Variants in KAT14 observed in about 807,000 individuals in gnomAD.
KAT14 encodes cysteine-rich protein 2-binding protein.
In KAT14, 66 loss-of-function variants were observed where a neutral mutation model predicts 78.4. The observed-to-expected ratio is 0.84, with a 90% CI of 0.69 to 1.03. KAT14 has a LOEUF of 1.03. KAT14 is among the 50% of genes least tolerant of loss of function. The pLI is 0.00. For missense variants in KAT14, 870 were observed against 972.5 expected (o/e 0.89, Z 1.40); for synonymous variants, 344 against 359.4 (o/e 0.96, Z 0.48).
At chr20:18,159,015 A>G in intron 4 of KAT14, 69 bp from the exon 5 acceptor site, 1 of 1,522,560 alleles carries the variant, frequency 6.6e-7, no homozygotes, top group South Asian at 1.3e-5. Context: ...GAGTCACAGT[A>G]TACACAGACT....
intron 1 of KAT14, among the ~76,000 whole-genome samples, chr20:18,141,191 C>G (rs1358795670): frequency 6.6e-6 from 1 of 151,700 alleles, no homozygotes; most frequent in Non-Finnish European, 1.5e-5. Flanking sequence ...GGCCTAAAAC[C>G]TTTAGAGTAT....
intron 7 of KAT14, among the ~76,000 whole-genome samples, chr20:18,175,723 C>T (rs1032010573): frequency 3.9e-5 from 6 of 151,946 alleles, no homozygotes; most frequent in Middle Eastern, 6.3e-3. Context: ...AAGTCAAGTA[C>T]ATAACATACA....
intron 4 of KAT14, among the ~76,000 whole-genome samples, chr20:18,158,753 C>G (rs2038309905): frequency 6.6e-6 from 1 of 152,144 alleles, no homozygotes; most frequent in Non-Finnish European, 1.5e-5. Context: ...TTAAAATTAG[C>G]CTGTAGAATT....
chr20:18,162,949 A>G lies in KAT14; in HGVS notation c.1668+4A>G. 1.2e-6 allele frequency: 2 copies of G among 1,612,964 alleles called. No individual in the cohort carries two copies. Among genetic ancestry groups the G allele is most frequent in the Non-Finnish European group, 1.7e-6 (2 of 1,179,368 alleles). On this transcript the variant is annotated splice_donor_region_variant and intron_variant, in intron 7 of 10. Transcript: ENST00000688188. ...CAGAATCCTTGACCGATACCAGGTG[A>G]ATGCAAGCACTTGCTGTAAAGCCCT... is the stretch of plus-strand genomic sequence containing the variant.
chr20:18,140,103 C>G (rs894071723), intron 1 of KAT14, among the ~76,000 whole-genome samples: 1 of 151,846 alleles, frequency 6.6e-6, no homozygotes, highest in African/African-American at 2.4e-5. Context: ...CATAAGCACA[C>G]GTGACATCTC....
intron 7 of KAT14, among the ~76,000 whole-genome samples, chr20:18,171,313 C>G (rs924718445): frequency 5.9e-5 from 9 of 152,222 alleles, no homozygotes; most frequent in Admixed American, 6.5e-5. Context: ...CATGATAAAA[C>G]TTGAATGAAT....
intron 4 of KAT14, among the ~76,000 whole-genome samples, chr20:18,152,572 A>G (rs1205224): frequency 0.98 from 149,671 of 152,316 alleles, 73,540 homozygotes; most frequent in East Asian, 1. Context: ...GCGAGACTCC[A>G]TCTCAAACAA....
At chr20:18,177,547 C>T (rs748399595) in intron 7 of KAT14, among the ~76,000 whole-genome samples, 3 of 152,128 alleles carry the variant, frequency 2.0e-5, no homozygotes, top group Non-Finnish European at 2.9e-5. Context: ...TTCAGTTTTA[C>T]CTTGAAACTG....
Position 18,183,263 on chromosome 20 carries a change from C to T in KAT14, c.1946C>T (p.Thr649Met), listed in dbSNP as rs370149832. 136 of 1,614,012 alleles carry T rather than the reference C, an allele frequency of 8.4e-5. No homozygotes were observed. The highest frequency in any genetic ancestry group is 2.5e-4 in the South Asian group (23 of 91,034). ...YCYVRPNHIP[T>M]INSMCQEFFW... ...TATGTGCGGCCAAATCACATCCCAA[C>T]GATCAACTCCATGTGTCAGGAGTTT... Residue 649 changes from threonine (T) to methionine (M), a missense_variant, in exon 9 of 11, where the codon ACG becomes ATG. Physicochemically the swap from Thr to Met is moderately conservative, Grantham distance 81. Coordinates refer to ENST00000688188, the MANE Select transcript of KAT14 (RefSeq NM_001392073.1).
rs1424253491 is a variant in KAT14, at chr20:18,142,319, GAGA to G, written c.-338_-336del. On this transcript the variant is annotated 5_prime_UTR_variant, in exon 2 of 11. The change creates a new upstream start codon in the 5' untranslated region. Coordinates refer to ENST00000688188, the MANE Select transcript of KAT14 (RefSeq NM_001392073.1). ...GACTGAGCAACTTGAAGCAGAAAGA[GAGA>G]AGATGTTATTGGCAAAAGGATCTCA... The G allele has an allele frequency of 2.0e-6, 3 of 1,537,004 alleles. No homozygotes were observed. The highest frequency in any genetic ancestry group is 2.0e-5 in the Admixed American group (1 of 50,958).
At chr20:18,166,663 G>A (rs2038652135) in intron 7 of KAT14, among the ~76,000 whole-genome samples, 1 of 152,192 alleles carries the variant, frequency 6.6e-6, no homozygotes, top group Non-Finnish European at 1.5e-5. Context: ...CTCAGCAGGG[G>A]TGTTGGGATC....
chr20:18,143,644 T>TTTTTA (rs2037690910), intron 2 of KAT14, among the ~76,000 whole-genome samples: 2 of 148,716 alleles, frequency 1.3e-5, no homozygotes, highest in Admixed American at 6.7e-5. Flanking sequence ...TTTTTTTTTT[T>TTTTTA]GAGACGGAGT....
chr20:18,150,426 C>A (rs2037990213), intron 3 of KAT14, among the ~76,000 whole-genome samples: 1 of 152,100 alleles, frequency 6.6e-6, no homozygotes, highest in African/African-American at 2.4e-5. Context: ...CTGGAGTAGG[C>A]ACCTGGAGGC....
chr20:18,170,855 A>G (rs571353954), intron 7 of KAT14, among the ~76,000 whole-genome samples: 1 of 152,288 alleles, frequency 6.6e-6, no homozygotes, highest in East Asian at 1.9e-4. Context: ...ATTATTTTCA[A>G]ACAATTACTG....
chr20:18,171,629 T>C (rs2038848105), intron 7 of KAT14, among the ~76,000 whole-genome samples: 1 of 152,108 alleles, frequency 6.6e-6, no homozygotes, highest in Non-Finnish European at 1.5e-5. Flanking sequence ...CTGGCCAACA[T>C]AGTGAAACCC....
chr20:18,145,288 T>G lies in KAT14; in HGVS notation c.315T>G (p.Thr105=). ...YLKGDNFFRF[T]CSDCSADGKE... is the part of the protein sequence containing the mutation. ...AGGGTGATAATTTTTTTAGGTTTAC[T>G]TGTTCGGATTGCTCAGCAGATGGCA... is the stretch of plus-strand genomic sequence containing the variant. The change falls in exon 3 of 11, where the codon ACT becomes ACG. Residue 105 remains threonine (T), a synonymous_variant. Coordinates refer to ENST00000688188, the MANE Select transcript of KAT14 (RefSeq NM_001392073.1). The G allele has an allele frequency of 6.2e-6, 10 of 1,614,228 alleles. No individual in the cohort carries two copies. Among genetic ancestry groups the G allele is most frequent in the Non-Finnish European group, 8.5e-6 (10 of 1,180,044 alleles).
Position 18,159,278 on chromosome 20 carries a change from G to A in KAT14, c.682+13G>A. The A allele has an allele frequency of 6.2e-7, 1 of 1,612,020 alleles. No homozygotes were observed. Among genetic ancestry groups the A allele is most frequent in the Non-Finnish European group, 8.5e-7 (1 of 1,179,488 alleles). On this transcript the variant is annotated intron_variant, in intron 5 of 10. Coordinates refer to ENST00000688188, the MANE Select transcript of KAT14 (RefSeq NM_001392073.1). ...TTGAAAATAAAAGGTACTGTTGTGAGAACAGTACAAAAGTTGCTAGTCAGA... is the reference window on the plus strand; with the variant it reads ...TTGAAAATAAAAGGTACTGTTGTGAAAACAGTACAAAAGTTGCTAGTCAGA...
intron 10 of KAT14, among the ~76,000 whole-genome samples, chr20:18,185,025 A>G (rs1016567246): frequency 6.6e-6 from 1 of 152,220 alleles, no homozygotes; most frequent in Non-Finnish European, 1.5e-5. Context: ...CATAGAAACC[A>G]GTTTGTGAAC....
chr20:18,141,246 G>A (rs1025269192), intron 1 of KAT14, among the ~76,000 whole-genome samples: 1 of 152,046 alleles, frequency 6.6e-6, no homozygotes, highest in African/African-American at 2.4e-5. Flanking sequence ...AGTAATGACT[G>A]ATGTTTTTAA....
Sources: gnomAD v4.1 joint callset for allele counts (sites outside exome capture counted in the v4.1 genomes callset) on GRCh38, gnomAD v4.1.1 for gene constraint, MANE v1.5 for transcripts, NCBI Gene and HGNC (gene_info 2026-07-23, HGNC 2026-07-21) for gene names.